Variants in TNFRSF21 observed in about 807,000 individuals in gnomAD.
TNFRSF21 encodes the protein TNF receptor superfamily member 21.
Under a neutral mutation model 45.6 loss-of-function variants are expected in TNFRSF21, and 19 were observed. The observed-to-expected ratio is 0.42, with a 90% CI of 0.29 to 0.61. TNFRSF21 has a LOEUF of 0.61. Among genes scored for constraint, TNFRSF21 ranks in the 20% least tolerant of loss-of-function variants. TNFRSF21 has a pLI of 0.23. For missense variants in TNFRSF21, 737 were observed against 851.5 expected (o/e 0.87, Z 1.67); for synonymous variants, 314 against 335.5 (o/e 0.94, Z 0.70).
rs770397460 is a variant in TNFRSF21, at chr6:47,286,086, C to T, written c.606G>A (p.Pro202=). 1.3e-5 allele frequency: 21 copies of T among 1,614,128 alleles called. No individual in the cohort carries two copies. In the East Asian group the frequency reaches 2.2e-4, roughly 17 times the overall value. Residue 202 remains proline, a synonymous_variant, in exon 2 of 6, where the codon CCG becomes CCA. Transcript: ENST00000296861. ...AGACGTTGTCTGTCTCCTTGGTCCC[C>T]GGCTTGATCACCACCAGGTTCTGAC... ...CLSQNLVVIK[P]GTKETDNVCG...
chr6:47,254,454 G>A (rs530038807), intron 3 of TNFRSF21, among the ~76,000 whole-genome samples: 1 of 152,298 alleles, frequency 6.6e-6, no homozygotes, highest in South Asian at 2.1e-4. Flanking sequence ...GGATAAGGGA[G>A]GACTACTGTA....
chr6:47,294,798 T>C (rs932146774), intron 1 of TNFRSF21, among the ~76,000 whole-genome samples: 1 of 152,144 alleles, frequency 6.6e-6, no homozygotes, highest in Non-Finnish European at 1.5e-5. Context: ...TCAAAAGTGC[T>C]GGAATTATAG....
chr6:47,250,901 T>A (rs1764892130), intron 4 of TNFRSF21, among the ~76,000 whole-genome samples: 1 of 152,196 alleles, frequency 6.6e-6, no homozygotes, highest in Non-Finnish European at 1.5e-5. Flanking sequence ...AAGTGGAAAA[T>A]TCCACACATG....
chr6:47,306,219 G>A (rs1762937661), intron 1 of TNFRSF21, among the ~76,000 whole-genome samples: 2 of 152,238 alleles, frequency 1.3e-5, no homozygotes, highest in African/African-American at 4.8e-5. Context: ...ATCAGAAATA[G>A]AAGTGCAAGC....
At chr6:47,235,276 A>T (rs976757581) in intron 4 of TNFRSF21, among the ~76,000 whole-genome samples, 2 of 152,212 alleles carry the variant, frequency 1.3e-5, no homozygotes, top group Admixed American at 1.3e-4. Context: ...TCCATGTTGA[A>T]GCCCTGACCC....
rs775405267 is a variant in TNFRSF21 at position 47,283,996 on chromosome 6, C to A, written c.1185G>T (p.Lys395Asn). 4 of 1,614,186 alleles carry A rather than the reference C, an allele frequency of 2.5e-6. No individual in the cohort carries two copies. The highest frequency in any genetic ancestry group is 3.4e-6 in the Non-Finnish European group (4 of 1,180,036). Residue 395 changes from lysine to asparagine, a missense_variant, in exon 3 of 6, where the codon AAG becomes AAT. Lys to Asn is a moderately conservative substitution (Grantham distance 94, BLOSUM62 0). Coordinates refer to ENST00000296861, the MANE Select transcript of TNFRSF21 (RefSeq NM_014452.5). ...GGTTCTGGGTTGGAGTCATGGATTT[C>A]TTCAGCCCTGCCTTTTCCACAATGG... ...PSAIVEKAGLKKSMTPTQNRE... is the reference protein window; with the variant it reads ...PSAIVEKAGLNKSMTPTQNRE...
chr6:47,291,198 G>C (rs1444571971), intron 1 of TNFRSF21, among the ~76,000 whole-genome samples: 1 of 152,214 alleles, frequency 6.6e-6, no homozygotes, highest in East Asian at 1.9e-4. Flanking sequence ...GAACTAAAAA[G>C]CTTGTGGCTC....
At chr6:47,239,285 C>CAAA (rs548172761) in intron 4 of TNFRSF21, among the ~76,000 whole-genome samples, 27 of 57,346 alleles carry the variant, frequency 4.7e-4, no homozygotes, top group African/African-American at 1.0e-3. Context: ...GACTCCATCT[C>CAAA]AAAAAAAAAA....
intron 3 of TNFRSF21, among the ~76,000 whole-genome samples, chr6:47,260,062 G>A (rs748355203): frequency 4.6e-5 from 7 of 152,084 alleles, no homozygotes; most frequent in Non-Finnish European, 7.4e-5. Flanking sequence ...AGTACAATTC[G>A]GCTCTGCTTC....
intron 3 of TNFRSF21, among the ~76,000 whole-genome samples, chr6:47,263,508 G>A (rs1762268884): frequency 6.6e-6 from 1 of 152,182 alleles, no homozygotes; most frequent in African/African-American, 2.4e-5. Context: ...TCAGGAAAAT[G>A]AGGAGGAACC....
In TNFRSF21 at chr6:47,234,682, A is replaced by T. The variant is rs759712817; in HGVS notation, c.1726T>A (p.Phe576Ile). 2 of 1,609,024 alleles carry T rather than the reference A, an allele frequency of 1.2e-6. No individual in the cohort carries two copies. The highest frequency in any genetic ancestry group is 1.3e-5 in the African/African-American group (1 of 74,806). Residue 576 changes from phenylalanine to isoleucine, a missense_variant, in exon 5 of 6, where the codon TTT becomes ATT. By Grantham distance (21) the Phe-to-Ile change is conservative. Coordinates refer to ENST00000296861, the MANE Select transcript of TNFRSF21 (RefSeq NM_014452.5). ...GCGATGCCCGTACCTTTGGTAATAA[A>T]GGAACCGTTCCTGCTCAGCGCGGAG... ...GSSALSRNGSFITKEKKDTVL... is the reference protein window; with the variant it reads ...GSSALSRNGSIITKEKKDTVL...
At chr6:47,255,768 CATGTCTTTGA>C (rs1204818617) in intron 3 of TNFRSF21, among the ~76,000 whole-genome samples, 34 of 152,060 alleles carry the variant, frequency 2.2e-4, no homozygotes, top group South Asian at 8.3e-4. Flanking sequence ...TGGCCAATAT[CATGTCTTTGA>C]ATGAGGTCAC....
At chr6:47,252,561 T>C (rs1295276290) in intron 4 of TNFRSF21, among the ~76,000 whole-genome samples, 1 of 152,212 alleles carries the variant, frequency 6.6e-6, no homozygotes, top group African/African-American at 2.4e-5. Context: ...ATCTTAATCT[T>C]ATATAGCAGA....
Position 47,284,224 on chromosome 6 carries a change from A to T in TNFRSF21, c.957T>A (p.Thr319=). Residue 319 remains threonine, a synonymous_variant, in exon 3 of 6, where the codon ACT becomes ACA. Transcript: ENST00000296861. ...ILKLLPSMEA[T]GGEKSSTPIK... Reference sequence around the variant, plus strand: ...TGGGCGTGCTGGACTTCTCGCCCCCAGTGGCCTCCATGGACGGCAGCAGCT... The same window carrying T: ...TGGGCGTGCTGGACTTCTCGCCCCCTGTGGCCTCCATGGACGGCAGCAGCT... 1 of 1,613,960 alleles carries T rather than the reference A, an allele frequency of 6.2e-7. No homozygotes were observed. Among genetic ancestry groups the T allele is most frequent in the Non-Finnish European group, 8.5e-7 (1 of 1,179,938 alleles).
chr6:47,266,982 A>T (rs992488678), intron 3 of TNFRSF21, among the ~76,000 whole-genome samples: 5 of 152,138 alleles, frequency 3.3e-5, no homozygotes, highest in Non-Finnish European at 5.9e-5. Flanking sequence ...TCAACTTAGC[A>T]GGTGCTCCCC....
At chr6:47,265,314 T>C (rs1256361675) in intron 3 of TNFRSF21, among the ~76,000 whole-genome samples, 4 of 152,252 alleles carry the variant, frequency 2.6e-5, no homozygotes, top group Non-Finnish European at 5.9e-5. Flanking sequence ...AGGCGTTTTA[T>C]TCCAGAACAA....
chr6:47,250,747 C>T (rs1034650863), intron 4 of TNFRSF21, among the ~76,000 whole-genome samples: 1 of 152,260 alleles, frequency 6.6e-6, no homozygotes, highest in African/African-American at 2.4e-5. Context: ...ATTAAGCCCC[C>T]TGCCTTCTGA....
intron 1 of TNFRSF21, among the ~76,000 whole-genome samples, chr6:47,300,418 T>C (rs752472508): frequency 1.3e-5 from 2 of 152,182 alleles, no homozygotes; most frequent in African/African-American, 4.8e-5. Context: ...AGCACCATCA[T>C]CTCTGCCCTG....
intron 3 of TNFRSF21, among the ~76,000 whole-genome samples, chr6:47,264,635 C>A (rs1479766665): frequency 6.6e-6 from 1 of 152,196 alleles, no homozygotes; most frequent in South Asian, 2.1e-4. Flanking sequence ...ATGCCTCTGG[C>A]CACCTTGTGC....
Sources: gnomAD v4.1 joint callset for allele counts (sites outside exome capture counted in the v4.1 genomes callset) on GRCh38, gnomAD v4.1.1 for gene constraint, MANE v1.5 for transcripts, NCBI Gene and HGNC (gene_info 2026-07-23, HGNC 2026-07-21) for gene names.